The following TTLL5 variants were observed in gnomAD, a reference collection of about 807,000 sequenced individuals.
TTLL5 encodes tubulin polyglutamylase TTLL5.
In TTLL5, 132 loss-of-function variants were observed where a neutral mutation model predicts 168.4. That is an observed-to-expected ratio of 0.78 (90% confidence interval 0.68 to 0.91). The LOEUF (loss-of-function observed/expected upper bound fraction) is 0.91. TTLL5 is among the 40% of genes least tolerant of loss of function. The pLI is 0.00. For synonymous variants in TTLL5, 546 were observed against 558.6 expected, an observed-to-expected ratio of 0.98 and a Z score of 0.32; for missense variants, 1,545 against 1,581.5, an observed-to-expected ratio of 0.98 and a Z score of 0.39.
chr14:75,748,281 T>TAA (rs35811861), intron 17 of TTLL5, among the ~76,000 whole-genome samples: 4 of 143,450 alleles, frequency 2.8e-5, no homozygotes, highest in African/African-American at 1.0e-4. Flanking sequence ...AACTTTTTCT[T>TAA]AAAAAAAAAA....
intron 2 of TTLL5, among the ~76,000 whole-genome samples, chr14:75,667,994 C>T (rs988691662): frequency 6.6e-6 from 1 of 151,910 alleles, no homozygotes; most frequent in Non-Finnish European, 1.5e-5. Flanking sequence ...CTCTTGACCT[C>T]GTGATCTGTC....
chr14:75,897,506 C>T (rs970110204), intron 30 of TTLL5, among the ~76,000 whole-genome samples: 1 of 151,578 alleles, frequency 6.6e-6, no homozygotes, highest in African/African-American at 2.4e-5. Flanking sequence ...ATGGGAGTTT[C>T]ACTCTTGTCA....
chr14:75,871,544 A>G (rs960637726), intron 29 of TTLL5, among the ~76,000 whole-genome samples: 1 of 150,404 alleles, frequency 6.6e-6, no homozygotes, highest in African/African-American at 2.5e-5. Flanking sequence ...ACTGCTATAT[A>G]CTCTCGTATA....
In TTLL5 at chr14:75,925,705, G is replaced by A. The variant is rs1412346197; in HGVS notation, c.3823+23481G>A. 5.3e-5 allele frequency among the ~76,000 whole-genome samples: 8 copies of A among 152,106 alleles called. No homozygotes were observed. The South Asian group carries it at 6.2e-4, about 12-fold the overall frequency. On this transcript the variant is annotated intron_variant, in intron 31 of 31. Transcript: ENST00000298832. ...TTTGGGAGGCCAAGGCAGGCGGCTCGGAGGTGGAGGTTGTAGCAAGCCGAG... is the reference window on the plus strand; with the variant it reads ...TTTGGGAGGCCAAGGCAGGCGGCTCAGAGGTGGAGGTTGTAGCAAGCCGAG...
chr14:75,694,264 A>T (rs1339478953), intron 6 of TTLL5, among the ~76,000 whole-genome samples: 1 of 152,270 alleles, frequency 6.6e-6, no homozygotes, highest in Admixed American at 6.5e-5. Flanking sequence ...AAAGCCTAGC[A>T]TGAAAGACAG....
chr14:75,882,492 A>T (rs576312139), intron 29 of TTLL5, among the ~76,000 whole-genome samples, 193 bp from the exon 30 acceptor site: 23 of 152,276 alleles, frequency 1.5e-4, no homozygotes, highest in African/African-American at 4.6e-4. Flanking sequence ...CATTTCAACA[A>T]TCTGCTTCAA....
chr14:75,695,165 C>T (rs897914797), intron 6 of TTLL5, among the ~76,000 whole-genome samples: 7 of 152,176 alleles, frequency 4.6e-5, no homozygotes, highest in African/African-American at 1.7e-4. Context: ...AAAGAGAATG[C>T]ATTCCTAGGG....
At chr14:75,671,913 C>A (rs1056079315) in intron 3 of TTLL5, among the ~76,000 whole-genome samples, 2 of 152,148 alleles carry the variant, frequency 1.3e-5, no homozygotes. Context: ...TAGTACAATG[C>A]TGAATAGAAA....
chr14:75,681,556 T>C lies in TTLL5; in HGVS notation c.193T>C (p.Leu65=). 2 of 1,613,216 alleles carry C rather than the reference T, an allele frequency of 1.2e-6. No homozygotes were observed. Among genetic ancestry groups the C allele is most frequent in the East Asian group, 4.5e-5 (2 of 44,874 alleles). ...CTGTTTTTCTTTAGAACGTTATCAT[T>C]TGTCTTATAAGATTGTACGAACGGA... is the stretch of plus-strand genomic sequence containing the variant. ...NIRVIGERYH[L]SYKIVRTDSR... The change falls in exon 4 of 32, where the codon TTG becomes CTG. Residue 65 remains leucine (L), a synonymous_variant. Transcript: ENST00000298832.
At chr14:75,836,573 A>G (rs957111741) in intron 28 of TTLL5, among the ~76,000 whole-genome samples, 1 of 152,234 alleles carries the variant, frequency 6.6e-6, no homozygotes, top group East Asian at 1.9e-4. Flanking sequence ...TGTAACACAA[A>G]GGATAAATGC....
At chr14:75,945,240 T>C (rs1311907408) in intron 31 of TTLL5, among the ~76,000 whole-genome samples, 3 of 147,844 alleles carry the variant, frequency 2.0e-5, no homozygotes, top group Non-Finnish European at 4.5e-5. Flanking sequence ...ATGTATTTTT[T>C]ATAATATATA....
chr14:75,813,012 A>G (rs1002539348), intron 27 of TTLL5, among the ~76,000 whole-genome samples: 26 of 152,184 alleles, frequency 1.7e-4, no homozygotes, highest in Admixed American at 5.9e-4. Context: ...TGATTAAAAC[A>G]ACAAGATTGG....
chr14:75,936,924 C>T (rs1459549619), intron 31 of TTLL5, among the ~76,000 whole-genome samples: 1 of 152,138 alleles, frequency 6.6e-6, no homozygotes, highest in Non-Finnish European at 1.5e-5. Flanking sequence ...CTGCTTTCCA[C>T]CCTTAGCTTC....
At chr14:75,832,192 C>G (rs1174397839) in intron 28 of TTLL5, among the ~76,000 whole-genome samples, 1 of 152,146 alleles carries the variant, frequency 6.6e-6, no homozygotes, top group Non-Finnish European at 1.5e-5. Flanking sequence ...AGCACAATGT[C>G]AACAATAAAT....
intron 30 of TTLL5, among the ~76,000 whole-genome samples, chr14:75,893,210 A>G (rs1183367068): frequency 6.6e-6 from 1 of 152,198 alleles, no homozygotes; most frequent in Non-Finnish European, 1.5e-5. Context: ...GGATAATTGG[A>G]CAAGCAACGC....
intron 31 of TTLL5, among the ~76,000 whole-genome samples, chr14:75,910,770 A>G (rs1483614197): frequency 2.4e-4 from 37 of 152,360 alleles, no homozygotes; most frequent in Non-Finnish European, 1.0e-4. Flanking sequence ...CCCTGTTGGC[A>G]TGATTTGTAT....
At chr14:75,682,479 T>G (rs1356903824) in intron 4 of TTLL5, among the ~76,000 whole-genome samples, 1 of 152,204 alleles carries the variant, frequency 6.6e-6, no homozygotes, top group East Asian at 1.9e-4. Flanking sequence ...ATTGTCCTTT[T>G]GTCTTTCCTT....
At chr14:75,723,612 T>G (rs1184845521) in intron 12 of TTLL5, among the ~76,000 whole-genome samples, 1 of 148,136 alleles carries the variant, frequency 6.8e-6, no homozygotes, top group Admixed American at 6.6e-5. Flanking sequence ...CTTTTGTTTG[T>G]TTGTTTGTTT....
chr14:75,775,593 C>A lies in TTLL5; in HGVS notation c.2246C>A (p.Ala749Asp). The change falls in exon 22 of 32, where the codon GCC becomes GAC. Residue 749 changes from alanine to aspartate, a missense_variant. Ala to Asp is a moderately radical substitution (Grantham distance 126). Transcript: ENST00000298832. ...LALLERRRIL[A>D]HQLGDFIIVY... Reference sequence around the variant, plus strand: ...CTTCTGGAACGCAGAAGAATCCTGGCCCACCAGCTGGGTGACTTTATCATT... The same window carrying A: ...CTTCTGGAACGCAGAAGAATCCTGGACCACCAGCTGGGTGACTTTATCATT... The A allele has an allele frequency of 2.5e-6, 4 of 1,614,102 alleles. No homozygotes were observed. Among genetic ancestry groups the A allele is most frequent in the Non-Finnish European group, 3.4e-6 (4 of 1,179,968 alleles).
Sources: gnomAD v4.1 joint callset for allele counts (sites outside exome capture counted in the v4.1 genomes callset) on GRCh38, gnomAD v4.1.1 for gene constraint, MANE v1.5 for transcripts, NCBI Gene and HGNC (gene_info 2026-07-23, HGNC 2026-07-21) for gene names.